FUT2: variants seen among roughly 807,000 people sequenced by gnomAD.
FUT2 encodes galactoside alpha-(1,2)-fucosyltransferase 2.
For missense variants in FUT2, 419 were observed against 465.8 expected, an observed-to-expected ratio of 0.90 and a Z score of 0.93; for synonymous variants, 182 against 193.1, an observed-to-expected ratio of 0.94 and a Z score of 0.48.
At chr19:48,700,842 G>C (rs554786005) in intron 1 of FUT2, among the ~76,000 whole-genome samples, 1 of 152,014 alleles carries the variant, frequency 6.6e-6, no homozygotes, top group Non-Finnish European at 1.5e-5. Flanking sequence ...CATGTGGCCC[G>C]ATAGGAGGCA....
Position 48,703,376 on chromosome 19 carries a change from C to T in FUT2, c.420C>T (p.Ile140=), listed in dbSNP as rs1160018366. The T allele has an allele frequency of 1.9e-6, 3 of 1,613,042 alleles. No individual in the cohort carries two copies. The highest frequency in any genetic ancestry group is 2.7e-5 in the African/African-American group (2 of 74,926). The change falls in exon 2 of 2, where the codon ATC becomes ATT. Residue 140 remains isoleucine, a synonymous_variant. Transcript: ENST00000425340. Reference sequence around the variant, plus strand: ...GGATGGAGGAGGAATACCGCCACATCCCGGGGGAGTACGTCCGCTTCACCG... The same window carrying T: ...GGATGGAGGAGGAATACCGCCACATTCCGGGGGAGTACGTCCGCTTCACCG... ...NDWMEEEYRH[I]PGEYVRFTGY...
intron 1 of FUT2, among the ~76,000 whole-genome samples, chr19:48,699,232 C>T (rs1463989787): frequency 1.3e-5 from 2 of 151,930 alleles, no homozygotes; most frequent in Middle Eastern, 3.4e-3. Flanking sequence ...TTTACTCTGT[C>T]GCCCAGGCTG....
rs2032542812 is a variant in FUT2 at position 48,702,962 on chromosome 19, G to A, written c.6G>A (p.Leu2=). 1 of 1,613,154 alleles carries A rather than the reference G, an allele frequency of 6.2e-7. No homozygotes were observed. Among genetic ancestry groups the A allele is most frequent in the Non-Finnish European group, 8.5e-7 (1 of 1,180,014 alleles). Residue 2 remains leucine, a synonymous_variant, in exon 2 of 2, where the codon CTG becomes CTA. Coordinates refer to ENST00000425340, the MANE Select transcript of FUT2 (RefSeq NM_000511.6). ...GTTTTCCTCCCCTGACAGCCATGCT[G>A]GTCGTTCAGATGCCTTTCTCCTTTC... M[L]VVQMPFSFPM...
intron 1 of FUT2, among the ~76,000 whole-genome samples, chr19:48,698,111 C>G (rs570819055): frequency 6.6e-6 from 1 of 151,548 alleles, no homozygotes; most frequent in East Asian, 2.0e-4. Flanking sequence ...TTATCCCTCC[C>G]CACAACCCCC....
intron 1 of FUT2, among the ~76,000 whole-genome samples, chr19:48,699,510 A>G (rs910688791): frequency 2.6e-5 from 4 of 151,902 alleles, no homozygotes; most frequent in African/African-American, 7.2e-5. Flanking sequence ...CTCCCGTTCT[A>G]TGATCTATGG....
At chr19:48,701,883 C>G (rs2032523662) in intron 1 of FUT2, among the ~76,000 whole-genome samples, 1 of 151,840 alleles carries the variant, frequency 6.6e-6, no homozygotes, top group Non-Finnish European at 1.5e-5. Context: ...ATCCCAGCTA[C>G]TCAGGAGGCT....
At chr19:48,697,292 C>T (rs1307127323) in intron 1 of FUT2, among the ~76,000 whole-genome samples, 4 of 147,128 alleles carry the variant, frequency 2.7e-5, no homozygotes, top group Non-Finnish European at 5.9e-5. Context: ...TTGTGGTGAG[C>T]CGAGATTGTG....
At chr19:48,696,501 A>T (rs1412676661) in intron 1 of FUT2, 3 of 152,292 alleles carry the variant, frequency 2.0e-5, no homozygotes, top group African/African-American at 7.2e-5. Context: ...GGCTCCTCAG[A>T]GGCTTCATGG....
intron 1 of FUT2, chr19:48,696,650 T>C (rs1244939636): frequency 1.3e-5 from 2 of 152,224 alleles, no homozygotes; most frequent in Non-Finnish European, 2.9e-5. Flanking sequence ...TTCCAAGTGA[T>C]GGCCCTACGT....
Position 48,703,875 on chromosome 19 carries a change from G to A in FUT2, c.919G>A (p.Ala307Thr), listed in dbSNP as rs1555754700. The change falls in exon 2 of 2, where the codon GCC becomes ACC. Residue 307 changes from alanine to threonine, a missense_variant. Transcript: ENST00000425340. ...YLTGGDTIYL[A>T]NYTLPDSPFL... ...CACGGGCGGAGACACCATCTACCTG[G>A]CCAATTACACCCTCCCCGACTCCCC... 1 of 1,613,598 alleles carries A rather than the reference G, an allele frequency of 6.2e-7. No homozygotes were observed. The highest frequency in any genetic ancestry group is 8.5e-7 in the Non-Finnish European group (1 of 1,180,022).
Position 48,704,055 on chromosome 19 carries a change from G to A in FUT2, c.*67G>A. 1.4e-6 allele frequency: 2 copies of A among 1,403,760 alleles called. No homozygotes were observed. Among genetic ancestry groups the A allele is most frequent in the Non-Finnish European group, 2.0e-6 (2 of 991,268 alleles). The allele number at this position is 1,403,760 out of a possible 1,614,324, so 87.0% of individuals were successfully genotyped here. A position where few individuals can be genotyped will look rare whatever the true frequency, so the allele number is the denominator to read the frequency against. ...CCTCAAGATGAGTGCCCGGGCATGA[G>A]AAGCACATGGTTCCATGAGCAGGAC... is the stretch of plus-strand genomic sequence containing the variant. On this transcript the variant is annotated 3_prime_UTR_variant, in exon 2 of 2. Coordinates refer to ENST00000425340, the MANE Select transcript of FUT2 (RefSeq NM_000511.6).
In FUT2 at chr19:48,703,674, G is replaced by A. The variant is rs375360260; in HGVS notation, c.718G>A (p.Val240Met). The A allele has an allele frequency of 4.1e-4, 662 of 1,613,584 alleles. 40 individuals carry two copies. In the South Asian group the frequency reaches 6.2e-3, roughly 15 times the overall value. Residue 240 changes from valine to methionine, a missense_variant, in exon 2 of 2, where the codon GTG (valine) becomes ATG (methionine). Transcript: ENST00000425340. ...FRARYSSLIF[V>M]VTSNGMAWCR... ...AGCTCGCTACAGCTCCCTCATCTTC[G>A]TGGTCACCAGTAATGGCATGGCCTG...
Position 48,703,133 on chromosome 19 carries a change from G to A in FUT2, c.177G>A (p.Gln59=). The change falls in exon 2 of 2, where the codon CAG becomes CAA. Residue 59 remains glutamine, a synonymous_variant. Coordinates refer to ENST00000425340, the MANE Select transcript of FUT2 (RefSeq NM_000511.6). ...CATCAAAGGCACTGGGACCCAGCCAGCTCAGGGGGATGTGGACGATCAATG... is the reference window on the plus strand; with the variant it reads ...CATCAAAGGCACTGGGACCCAGCCAACTCAGGGGGATGTGGACGATCAATG... ...ASTSKALGPS[Q]LRGMWTINAI... 3 of 1,613,550 alleles carry A rather than the reference G, an allele frequency of 1.9e-6. No individual in the cohort carries two copies. The highest frequency in any genetic ancestry group is 2.5e-6 in the Non-Finnish European group (3 of 1,180,030).
intron 1 of FUT2, among the ~76,000 whole-genome samples, chr19:48,700,351 G>C (rs192312219): frequency 2.7e-5 from 4 of 150,274 alleles, no homozygotes; most frequent in Non-Finnish European, 5.9e-5. Flanking sequence ...TTTTGAGACG[G>C]AGTCTCGCTC....
At position 48,704,435 on chromosome 19, in the gene FUT2, A is replaced by AG. The variant is rs1353143481; in HGVS notation, c.*447_*448insG. On this transcript the variant is annotated 3_prime_UTR_variant, in exon 2 of 2. Coordinates refer to ENST00000425340, the MANE Select transcript of FUT2 (RefSeq NM_000511.6). ...AGACTCCATCTCAAAAAAAAAAAAA[A>AG]AAAAAAGAAAAGAAAAAGAAATGAA... 8.0e-6 allele frequency: 1 copy of AG among 124,768 alleles called. No individual in the cohort carries two copies. Among genetic ancestry groups the AG allele is most frequent in the Non-Finnish European group, 2.2e-5 (1 of 45,338 alleles). 7.7% of individuals were successfully genotyped at this position (124,768 alleles called of 1,614,324 possible). A position where few individuals can be genotyped will look rare whatever the true frequency, so the allele number is the denominator to read the frequency against.
chr19:48,701,934 A>G (rs1012753117), intron 1 of FUT2, among the ~76,000 whole-genome samples: 1 of 152,034 alleles, frequency 6.6e-6, no homozygotes, highest in Admixed American at 6.6e-5. Context: ...CAGAGGTTGC[A>G]GTGAGCAGAG....
chr19:48,705,097 T>TTTATTTTTA lies in FUT2; in HGVS notation c.*1111_*1112insATTTTTATT. On this transcript the variant is annotated 3_prime_UTR_variant, in exon 2 of 2. Coordinates refer to ENST00000425340, the MANE Select transcript of FUT2 (RefSeq NM_000511.6). Reference sequence around the variant, plus strand: ...CCACCCAGAGAGCTCACTGTTTTCTTTTCTTTTTCTTTTCTTTTTTTTTTT... The same window carrying TTTATTTTTA: ...CCACCCAGAGAGCTCACTGTTTTCTTTTATTTTTATTCTTTTTCTTTTCTTTTTTTTTTT... 1 of 267,762 alleles carries TTTATTTTTA rather than the reference T, an allele frequency of 3.7e-6. No homozygotes were observed. The highest frequency in any genetic ancestry group is 7.4e-6 in the Non-Finnish European group (1 of 135,392). The allele number at this position is 267,762 out of a possible 1,614,324, so 16.6% of individuals were successfully genotyped here.
At chr19:48,699,192 T>TTTTTG (rs28746180) in intron 1 of FUT2, among the ~76,000 whole-genome samples, 23,998 of 151,028 alleles carry the variant, frequency 0.16, 2,014 homozygotes, top group Admixed American at 0.22. Flanking sequence ...CTGGGTGGGT[T>TTTTTG]TTTTGTTTTG....
rs956299854 is a variant in FUT2 at position 48,704,504 on chromosome 19, G to A, written c.*516G>A. 9 of 406,100 alleles carry A rather than the reference G, an allele frequency of 2.2e-5. No individual in the cohort carries two copies. Among genetic ancestry groups the A allele is most frequent in the Non-Finnish European group, 4.1e-5 (9 of 221,208 alleles). 25.2% of individuals were successfully genotyped at this position (406,100 alleles called of 1,614,324 possible). A position where few individuals can be genotyped will look rare whatever the true frequency, so the allele number is the denominator to read the frequency against. ...TCATGCATATCACATAAGACCAGAA[G>A]TGGCCCAGGTCCAGGGTCAGTTAAT... On this transcript the variant is annotated 3_prime_UTR_variant, in exon 2 of 2. Transcript: ENST00000425340.
Sources: gnomAD v4.1 joint callset for allele counts (sites outside exome capture counted in the v4.1 genomes callset) on GRCh38, gnomAD v4.1.1 for gene constraint, MANE v1.5 for transcripts, NCBI Gene and HGNC (gene_info 2026-07-23, HGNC 2026-07-21) for gene names.